Variants in TNFRSF8 observed in about 807,000 individuals in gnomAD.
TNFRSF8 encodes tumor necrosis factor receptor superfamily member 8.
TNFRSF8 carries 26 observed loss-of-function variants against 70.8 expected under a neutral mutation model. The ratio of observed to expected loss-of-function variants is 0.37; its 90% confidence interval spans 0.27 to 0.51. The LOEUF (loss-of-function observed/expected upper bound fraction) is 0.51, where lower values mean the gene tolerates loss of function less well. Among genes scored for constraint, TNFRSF8 ranks in the 20% least tolerant of loss-of-function variants. The pLI, the probability that TNFRSF8 is intolerant of heterozygous loss-of-function variation, is 0.94. For missense variants in TNFRSF8, 720 were observed against 807.9 expected (o/e 0.89, Z 1.32); for synonymous variants, 356 against 339.2 (o/e 1.05, Z -0.54).
intron 3 of TNFRSF8, 130 bp downstream of exon 3, chr1:12,097,347 G>A: frequency 3.1e-6 from 2 of 636,144 alleles, no homozygotes; most frequent in Middle Eastern, 3.1e-4. Flanking sequence ...TCCTCCTGGT[G>A]CCTCAGTTTA....
At chr1:12,066,057 A>G (rs1640734396) in intron 1 of TNFRSF8, among the ~76,000 whole-genome samples, 1 of 152,162 alleles carries the variant, frequency 6.6e-6, no homozygotes, top group Non-Finnish European at 1.5e-5. Context: ...CCGACATTTG[A>G]TCTTATCAGC....
Position 12,110,755 on chromosome 1 carries a change from C to T in TNFRSF8, c.676+551C>T, listed in dbSNP as rs568732765. Among the ~76,000 whole-genome samples, 48 of 152,208 alleles carry T rather than the reference C, an allele frequency of 3.2e-4. No homozygotes were observed. The highest frequency in any genetic ancestry group is 1.9e-4 in the East Asian group (1 of 5,158). On this transcript the variant is annotated intron_variant, in intron 6 of 14. Transcript: ENST00000263932. This position sits in a 1 kb window ranked among gnomAD's most constrained non-coding sequence, Gnocchi z 4.0. ...CTGGGATTACAGGTGCCCACCACCA[C>T]GCCTGGCTAACTTTGTATTTTTAGT...
At chr1:12,122,187 C>CT (rs1557599138) in intron 8 of TNFRSF8, among the ~76,000 whole-genome samples, 1 of 152,142 alleles carries the variant, frequency 6.6e-6, no homozygotes, top group East Asian at 1.9e-4. Flanking sequence ...GGGACATTTT[C>CT]TTTTTTTATT....
At chr1:12,107,197 C>A (rs1641540708) in intron 4 of TNFRSF8, among the ~76,000 whole-genome samples, 1 of 152,142 alleles carries the variant, frequency 6.6e-6, no homozygotes, top group Non-Finnish European at 1.5e-5. Flanking sequence ...GAGTTTGAGA[C>A]CAGCCTGGCC....
At position 12,133,289 on chromosome 1, in the gene TNFRSF8, G is replaced by A. The variant is rs184151448; in HGVS notation, c.1310-2299G>A. 1.0e-3 allele frequency among the ~76,000 whole-genome samples: 155 copies of A among 151,096 alleles called. 2 individuals carry two copies. The highest frequency in any genetic ancestry group is 2.1e-3 in the East Asian group (11 of 5,148). On this transcript the variant is annotated intron_variant, in intron 12 of 14. Coordinates refer to ENST00000263932, the MANE Select transcript of TNFRSF8 (RefSeq NM_001243.5). ...CACTTCCCCTTCAAGGCCGAGTTGT[G>A]TCATTTTTATTTATTTTGTTTTGTT...
At chr1:12,091,693 T>C (rs1641250523) in intron 2 of TNFRSF8, among the ~76,000 whole-genome samples, 1 of 152,190 alleles carries the variant, frequency 6.6e-6, no homozygotes, top group Non-Finnish European at 1.5e-5. Flanking sequence ...TGTGTTAGTT[T>C]GCTGGGGCTG....
In TNFRSF8 at chr1:12,109,781, C is replaced by T. The variant is rs763430645; in HGVS notation, c.512+125C>T. 5.5e-6 allele frequency: 5 copies of T among 908,172 alleles called. No homozygotes were observed. Among genetic ancestry groups the T allele is most frequent in the Non-Finnish European group, 8.5e-6 (5 of 586,844 alleles). 56.3% of individuals were successfully genotyped at this position (908,172 alleles called of 1,614,324 possible). On this transcript the variant is annotated intron_variant, in intron 5 of 14. Transcript: ENST00000263932. This position sits in a 1 kb window ranked among gnomAD's most constrained non-coding sequence, Gnocchi z 4.4. Reference sequence around the variant, plus strand: ...GTAAGCGGGATTCAGCCCATGGTGTCAGCACTTTGGGGTGCCTCTCTGCCA... The same window carrying T: ...GTAAGCGGGATTCAGCCCATGGTGTTAGCACTTTGGGGTGCCTCTCTGCCA...
At position 12,063,604 on chromosome 1, in the gene TNFRSF8, C is replaced by T; in HGVS notation, c.6C>T (p.Arg2=). The T allele has an allele frequency of 7.6e-7, 1 of 1,308,446 alleles. No individual in the cohort carries two copies. Among genetic ancestry groups the T allele is most frequent in the Non-Finnish European group, 9.8e-7 (1 of 1,019,854 alleles). The allele number at this position is 1,308,446 out of a possible 1,614,324, so 81.1% of individuals were successfully genotyped here. A position where few individuals can be genotyped will look rare whatever the true frequency, so the allele number is the denominator to read the frequency against. The stretch of plus-strand genomic sequence containing the variant: ...CCTCACGTCCGGCCCCGGGGATGCG[C>T]GTCCTCCTCGCCGCGCTGGGACTGC... The part of the protein sequence containing the change: M[R]VLLAALGLLF... The change falls in exon 1 of 15, where the codon CGC becomes CGT. Residue 2 remains arginine, a synonymous_variant. Transcript: ENST00000263932. This position sits in a 1 kb window ranked among gnomAD's most constrained non-coding sequence, Gnocchi z 7.2.
intron 1 of TNFRSF8, among the ~76,000 whole-genome samples, chr1:12,064,033 C>T (rs985855192): frequency 1.3e-5 from 2 of 152,190 alleles, no homozygotes; most frequent in African/African-American, 4.8e-5. Flanking sequence ...CAGATGGGGC[C>T]TCCCTTAGCC....
chr1:12,090,861 T>C (rs1445216108), intron 2 of TNFRSF8, among the ~76,000 whole-genome samples: 1 of 152,150 alleles, frequency 6.6e-6, no homozygotes, highest in African/African-American at 2.4e-5. Flanking sequence ...CCCCAACCAA[T>C]TCCTATGTTG....
rs71230982 is a variant in TNFRSF8, at chr1:12,087,165, C to CTTT, written c.151+2632_151+2634dup. Among the ~76,000 whole-genome samples the CTTT allele has an allele frequency of 4.1e-3, 345 of 83,942 alleles. 54 individuals are homozygous for CTTT. The highest frequency in any genetic ancestry group is 0.013 in the African/African-American group (299 of 22,336). 55.1% of individuals were successfully genotyped at this position (83,942 alleles called of 152,430 possible). A position where few individuals can be genotyped will look rare whatever the true frequency, so the allele number is the denominator to read the frequency against. ...CAAATTTTTATTTCTCTCTCTCTCTCTTTTTTTTTTTTTTTTTTTTGAGAT... is the reference window on the plus strand; with the variant it reads ...CAAATTTTTATTTCTCTCTCTCTCTCTTTTTTTTTTTTTTTTTTTTTTTGAGAT... On this transcript the variant is annotated intron_variant, in intron 2 of 14. Transcript: ENST00000263932.
At chr1:12,081,622 A>G (rs1297146062) in intron 1 of TNFRSF8, among the ~76,000 whole-genome samples, 2 of 151,550 alleles carry the variant, frequency 1.3e-5, no homozygotes, top group African/African-American at 2.4e-5. Context: ...TTCATGTATT[A>G]TTTCAAATTA....
At chr1:12,104,844 G>A (rs1308935090) in intron 4 of TNFRSF8, among the ~76,000 whole-genome samples, 2 of 152,226 alleles carry the variant, frequency 1.3e-5, no homozygotes, top group Admixed American at 1.3e-4. Context: ...GGAACCTCAA[G>A]TCTCTGTCCT....
chr1:12,080,445 C>T, intron 1 of TNFRSF8: 2 of 525,548 alleles, frequency 3.8e-6, no homozygotes, highest in South Asian at 1.4e-5. Flanking sequence ...GTGTTGTTGT[C>T]TTCTATCTTC....
At chr1:12,097,059 C>A in intron 2 of TNFRSF8, 42 bp from the exon 3 acceptor site, 1 of 1,557,522 alleles carries the variant, frequency 6.4e-7, no homozygotes, top group Non-Finnish European at 8.8e-7. Flanking sequence ...AAGGCCTTTG[C>A]TAAGTCAGCC....
intron 1 of TNFRSF8, among the ~76,000 whole-genome samples, chr1:12,076,105 T>TC (rs1342176959): frequency 1.2e-5 from 1 of 86,338 alleles, no homozygotes; most frequent in Non-Finnish European, 2.0e-5. Flanking sequence ...TTCTTTTTCT[T>TC]TTTTTTTTTT....
At chr1:12,136,004 T>G (rs1279301731) in intron 13 of TNFRSF8, among the ~76,000 whole-genome samples, 4 of 152,074 alleles carry the variant, frequency 2.6e-5, no homozygotes, top group Non-Finnish European at 5.9e-5. Flanking sequence ...TTTCCCCTTT[T>G]CTTTACTCTT....
At chr1:12,079,949 A>ATTT (rs111729252) in intron 1 of TNFRSF8, among the ~76,000 whole-genome samples, 31 of 127,048 alleles carry the variant, frequency 2.4e-4, no homozygotes, top group African/African-American at 8.5e-4. Context: ...TTAATTCTCT[A>ATTT]TTTTTTTTTT....
intron 2 of TNFRSF8, among the ~76,000 whole-genome samples, chr1:12,093,549 T>G (rs1641280599): frequency 6.6e-6 from 1 of 152,096 alleles, no homozygotes; most frequent in African/African-American, 2.4e-5. Context: ...GCTGACTTTT[T>G]TTTTTCCTTG....
Sources: gnomAD v4.1 joint callset for allele counts (sites outside exome capture counted in the v4.1 genomes callset) on GRCh38, gnomAD v4.1.1 for gene constraint, Gnocchi (gnomAD v3.1) non-coding constraint, MANE v1.5 for transcripts, NCBI Gene and HGNC (gene_info 2026-07-23, HGNC 2026-07-21) for gene names.